PATJ: variants seen among roughly 807,000 people sequenced by gnomAD.
PATJ encodes PATJ crumbs cell polarity complex component, also known as inaD-like protein.
A neutral mutation model predicts 224.9 loss-of-function variants in PATJ; 190 were observed. The ratio of observed to expected loss-of-function variants is 0.84; its 90% CI spans 0.75 to 0.95. The LOEUF (loss-of-function observed/expected upper bound fraction) is 0.95. PATJ is among the 40% of genes least tolerant of loss of function. The pLI, the probability that PATJ is intolerant of heterozygous loss-of-function variation, is 0.00. For missense variants in PATJ, 2,121 were observed against 2,270.3 expected, an observed-to-expected ratio of 0.93 and a Z score of 1.34; for synonymous variants, 769 against 820.3, an observed-to-expected ratio of 0.94 and a Z score of 1.07.
intron 29 of PATJ, among the ~76,000 whole-genome samples, chr1:62,023,230 CAGTG>C: frequency 6.7e-6 from 1 of 148,734 alleles, no homozygotes; most frequent in South Asian, 2.1e-4. Context: ...GTGGAGGTTG[CAGTG>C]AGCCGAGATC....
At chr1:62,035,091 A>G (rs1650126412) in intron 29 of PATJ, among the ~76,000 whole-genome samples, 1 of 152,214 alleles carries the variant, frequency 6.6e-6, no homozygotes, top group Non-Finnish European at 1.5e-5. Flanking sequence ...AAAAGGAATT[A>G]TGACTGGGAA....
chr1:62,083,418 C>T (rs1659537746), intron 32 of PATJ, among the ~76,000 whole-genome samples: 1 of 152,228 alleles, frequency 6.6e-6, no homozygotes, highest in African/African-American at 2.4e-5. Flanking sequence ...GCGTGAACCA[C>T]CGTGCCCGGC....
chr1:61,907,292 C>G (rs1158561574), intron 24 of PATJ, among the ~76,000 whole-genome samples: 1 of 152,168 alleles, frequency 6.6e-6, no homozygotes, highest in Non-Finnish European at 1.5e-5. Flanking sequence ...CTTAGTCTTG[C>G]TCTCAGTTTA....
chr1:61,797,178 T>C (rs1473658108), intron 10 of PATJ, 109 bp from the exon 11 acceptor site: 2 of 1,282,606 alleles, frequency 1.6e-6, no homozygotes, highest in East Asian at 2.3e-5. Context: ...CCGGCCTAAA[T>C]AATTTATTTT....
chr1:61,846,605 G>T (rs1041867175), intron 17 of PATJ, among the ~76,000 whole-genome samples: 1 of 151,986 alleles, frequency 6.6e-6, no homozygotes, highest in African/African-American at 2.4e-5. Flanking sequence ...TGTAATTTTT[G>T]TTATTTTTTG....
intron 27 of PATJ, among the ~76,000 whole-genome samples, chr1:61,932,630 G>A (rs748513902): frequency 6.6e-6 from 1 of 152,106 alleles, no homozygotes; most frequent in Non-Finnish European, 1.5e-5. Flanking sequence ...CGGGACGCAG[G>A]GGCTCACCCC....
chr1:62,005,345 G>A lies in PATJ; in HGVS notation c.3868-12511G>A, dbSNP rs181766299. Among the ~76,000 whole-genome samples, 6 of 150,614 alleles carry A rather than the reference G, an allele frequency of 4.0e-5. No individual in the cohort carries two copies. The East Asian group carries it at 1.2e-3, about 29-fold the overall frequency. Reference sequence around the variant, plus strand: ...AAAGTGCTAGGATTACAGGCGCCCAGCCTAGGATAAATTCTTAGAAGTGGA... The same window carrying A: ...AAAGTGCTAGGATTACAGGCGCCCAACCTAGGATAAATTCTTAGAAGTGGA... On this transcript the variant is annotated intron_variant, in intron 28 of 43. Coordinates refer to ENST00000642238, the MANE Select transcript of PATJ (RefSeq NM_001350145.3).
chr1:61,755,402 A>G (rs1645583220), intron 1 of PATJ, among the ~76,000 whole-genome samples: 1 of 152,100 alleles, frequency 6.6e-6, no homozygotes, highest in African/African-American at 2.4e-5. Flanking sequence ...ATGTTTTAAA[A>G]CATATGTTAG....
At position 62,104,748 on chromosome 1, in the gene PATJ, T is replaced by G. The variant is rs188697713; in HGVS notation, c.4378-3689T>G. Among the ~76,000 whole-genome samples the G allele has an allele frequency of 2.4e-3, 369 of 152,296 alleles. 2 individuals carry two copies. Among genetic ancestry groups the G allele is most frequent in the African/African-American group, 8.1e-3 (335 of 41,572 alleles). ...GGAGTGTGGTGTGATCTCAGCTCAC[T>G]GCAGCCTCTGCCTCCCGGGTTCAAG... On this transcript the variant is annotated intron_variant, in intron 33 of 43. Transcript: ENST00000642238.
intron 34 of PATJ, among the ~76,000 whole-genome samples, chr1:62,110,169 C>A (rs1432576976): frequency 6.6e-6 from 1 of 152,204 alleles, no homozygotes; most frequent in Non-Finnish European, 1.5e-5. Context: ...TTACCTCAGA[C>A]AAGGTCTAGT....
intron 1 of PATJ, among the ~76,000 whole-genome samples, chr1:61,747,108 T>G (rs1045780159): frequency 6.6e-6 from 1 of 152,220 alleles, no homozygotes; most frequent in Non-Finnish European, 1.5e-5. Flanking sequence ...ACTTAAGACT[T>G]TGCTCCCCTT....
chr1:62,012,963 A>G (rs1646539824), intron 28 of PATJ, among the ~76,000 whole-genome samples: 1 of 152,234 alleles, frequency 6.6e-6, no homozygotes. Context: ...TTTCCACTGC[A>G]TAGCAGAGTT....
chr1:61,965,219 C>T (rs556655278), intron 27 of PATJ, among the ~76,000 whole-genome samples: 2 of 134,472 alleles, frequency 1.5e-5, no homozygotes, highest in South Asian at 5.4e-4. Context: ...CCTTTTCAAT[C>T]AAGCCATTTA....
At chr1:61,780,908 A>ATCATCAAAGAGGAGGTAGAGGG (rs1647220107) in intron 7 of PATJ, among the ~76,000 whole-genome samples, 2 of 152,194 alleles carry the variant, frequency 1.3e-5, no homozygotes, top group Admixed American at 1.3e-4. Context: ...ACTATTTCAG[A>ATCATCAAAGAGGAGGTAGAGGG]TCATCAAAGA....
At chr1:61,935,832 AAACTT>A (rs1676777833) in intron 27 of PATJ, among the ~76,000 whole-genome samples, 1 of 152,130 alleles carries the variant, frequency 6.6e-6, no homozygotes, top group African/African-American at 2.4e-5. Context: ...ATGCAAATAA[AAACTT>A]AGATTACCAA....
intron 9 of PATJ, among the ~76,000 whole-genome samples, chr1:61,792,447 G>A (rs1489990753): frequency 6.6e-6 from 1 of 152,118 alleles, no homozygotes; most frequent in Non-Finnish European, 1.5e-5. Flanking sequence ...TGAATGACTG[G>A]TAGAACATTA....
intron 11 of PATJ, among the ~76,000 whole-genome samples, chr1:61,798,081 C>T (rs1169203427): frequency 6.6e-6 from 1 of 152,236 alleles, no homozygotes; most frequent in Non-Finnish European, 1.5e-5. Flanking sequence ...GCTGTAATTA[C>T]ACGTGTGAGC....
chr1:61,802,371 G>A (rs377269571), intron 12 of PATJ, among the ~76,000 whole-genome samples: 7 of 152,298 alleles, frequency 4.6e-5, no homozygotes, highest in African/African-American at 1.7e-4. Flanking sequence ...GGGATTATAG[G>A]CGTGAGCCAC....
intron 27 of PATJ, among the ~76,000 whole-genome samples, chr1:61,987,422 T>G (rs548857330): frequency 1.3e-5 from 2 of 152,290 alleles, no homozygotes; most frequent in South Asian, 4.1e-4. Context: ...AAAGATGCCT[T>G]ATTACTTTCT....
Sources: allele counts gnomAD v4.1 joint callset (sites outside exome capture counted in the v4.1 genomes callset), GRCh38; gene constraint gnomAD v4.1.1; transcripts MANE v1.5; gene names NCBI Gene and HGNC (gene_info 2026-07-23, HGNC 2026-07-21).